The following ZNF385D variants were observed in gnomAD, a reference collection of about 807,000 sequenced individuals.
ZNF385D encodes the protein zinc finger protein 385D.
Under a neutral mutation model 35.8 loss-of-function variants are expected in ZNF385D, and 15 were observed. That is an observed-to-expected ratio of 0.42 (90% CI 0.28 to 0.64). The LOEUF (loss-of-function observed/expected upper bound fraction) is 0.64, where lower values mean the gene tolerates loss of function less well. Ranked by LOEUF, ZNF385D falls within the 30% of genes least tolerant of loss-of-function variation. The probability of loss-of-function intolerance (pLI) is 0.23; values close to 1 mark genes in which losing one functional copy is unlikely to be tolerated. For synonymous variants in ZNF385D, 212 were observed against 186.8 expected, an observed-to-expected ratio of 1.13 and a Z score of -1.10; for missense variants, 474 against 494.6, an observed-to-expected ratio of 0.96 and a Z score of 0.39.
chr3:21,582,602 GAGATAAAGGAA>G (rs1047232587), intron 2 of ZNF385D, among the ~76,000 whole-genome samples: 2 of 152,064 alleles, frequency 1.3e-5, no homozygotes, highest in African/African-American at 2.4e-5. Context: ...CTCAGTTGTG[GAGATAAAGGAA>G]GGATAAAGTC....
intron 4 of ZNF385D, among the ~76,000 whole-genome samples, chr3:21,504,742 A>G (rs559262575): frequency 5.1e-4 from 78 of 152,284 alleles, no homozygotes; most frequent in African/African-American, 1.8e-3. Flanking sequence ...ATGGAAAAAC[A>G]AGGTGTGCCT....
chr3:21,961,467 G>A (rs912842404), intron 3 of ZNF385D: 1 of 152,098 alleles, frequency 6.6e-6, no homozygotes, highest in African/African-American at 2.4e-5. Flanking sequence ...TTAGAAATAT[G>A]AAGTAACTAT....
intron 3 of ZNF385D, among the ~76,000 whole-genome samples, chr3:21,803,912 G>A (rs371201390): frequency 6.6e-6 from 1 of 152,150 alleles, no homozygotes; most frequent in Non-Finnish European, 1.5e-5. Flanking sequence ...TGTCTGTGGC[G>A]CTGTCACTTG....
At chr3:22,323,938 A>G (rs1428021407) in intron 2 of ZNF385D, among the ~76,000 whole-genome samples, 1 of 152,160 alleles carries the variant, frequency 6.6e-6, no homozygotes, top group African/African-American at 2.4e-5. Context: ...ACTAATATAT[A>G]CTATCCACAA....
intron 3 of ZNF385D, among the ~76,000 whole-genome samples, chr3:22,142,869 C>G (rs1704600443): frequency 6.6e-6 from 1 of 152,098 alleles, no homozygotes; most frequent in Non-Finnish European, 1.5e-5. Flanking sequence ...AAAAAGTTCT[C>G]TCCTCTTACC....
At chr3:21,842,170 T>G (rs180806544) in intron 3 of ZNF385D, among the ~76,000 whole-genome samples, 1 of 152,020 alleles carries the variant, frequency 6.6e-6, no homozygotes, top group Non-Finnish European at 1.5e-5. Flanking sequence ...TAATTCAATA[T>G]GTAATCTTTT....
At chr3:22,226,125 A>C (rs1184100946) in intron 2 of ZNF385D, among the ~76,000 whole-genome samples, 1 of 152,026 alleles carries the variant, frequency 6.6e-6, no homozygotes, top group East Asian at 1.9e-4. Context: ...ATGGAACTAA[A>C]CAAAAAAAAA....
At chr3:22,210,743 A>C (rs890804202) in intron 2 of ZNF385D, among the ~76,000 whole-genome samples, 5 of 151,782 alleles carry the variant, frequency 3.3e-5, no homozygotes, top group Admixed American at 3.3e-4. Context: ...TTCCCTCTAC[A>C]CCATTTACAC....
chr3:21,578,152 C>T (rs1478758423), intron 2 of ZNF385D, among the ~76,000 whole-genome samples: 1 of 152,070 alleles, frequency 6.6e-6, no homozygotes, highest in Non-Finnish European at 1.5e-5. Flanking sequence ...CTATTCAAGT[C>T]ATTTGCACAT....
chr3:22,336,908 T>TAAAAAAAAAAA (rs1559527421), intron 2 of ZNF385D, among the ~76,000 whole-genome samples: 5 of 1,064 alleles, frequency 4.7e-3, no homozygotes, highest in South Asian at 0.077. Flanking sequence ...CAGTGATTTT[T>TAAAAAAAAAAA]CAAAAAAAAA....
intron 2 of ZNF385D, among the ~76,000 whole-genome samples, chr3:22,315,508 A>G (rs2125436167): frequency 6.6e-6 from 1 of 152,344 alleles, no homozygotes; most frequent in African/African-American, 2.4e-5. Context: ...GGGAAGAGAT[A>G]AAGAAAACTG....
intron 3 of ZNF385D, among the ~76,000 whole-genome samples, chr3:22,137,146 G>A (rs536271659): frequency 1.7e-4 from 26 of 152,192 alleles, no homozygotes; most frequent in Non-Finnish European, 3.7e-4. Flanking sequence ...ATCTTTCTGT[G>A]TTTTTTACTA....
At chr3:22,108,599 T>G (rs1275462469) in intron 3 of ZNF385D, among the ~76,000 whole-genome samples, 1 of 152,180 alleles carries the variant, frequency 6.6e-6, no homozygotes, top group Non-Finnish European at 1.5e-5. Context: ...TGCCACTGAC[T>G]AAGAGAGGGG....
At chr3:22,301,496 T>C (rs982880701) in intron 2 of ZNF385D, among the ~76,000 whole-genome samples, 3 of 152,112 alleles carry the variant, frequency 2.0e-5, no homozygotes, top group African/African-American at 7.2e-5. Flanking sequence ...CATTCCCTAA[T>C]GTATATATAT....
At chr3:21,533,784 A>G (rs1044539499) in intron 3 of ZNF385D, among the ~76,000 whole-genome samples, 55 of 152,114 alleles carry the variant, frequency 3.6e-4, no homozygotes, top group Admixed American at 1.4e-3. Context: ...ATGGACATCC[A>G]TGTTCAAATC....
chr3:21,590,966 A>G (rs1297433187), intron 2 of ZNF385D, among the ~76,000 whole-genome samples: 2 of 152,096 alleles, frequency 1.3e-5, no homozygotes, highest in Non-Finnish European at 1.5e-5. Flanking sequence ...AGGCCAAGGC[A>G]GGAGGATCAC....
intron 3 of ZNF385D, among the ~76,000 whole-genome samples, chr3:21,779,765 A>C (rs1395154748): frequency 6.6e-6 from 1 of 151,972 alleles, no homozygotes; most frequent in African/African-American, 2.4e-5. Context: ...TAGAACTCCA[A>C]GTTCCCAGAT....
chr3:21,580,064 T>C (rs1430562587), intron 2 of ZNF385D: 1 of 152,186 alleles, frequency 6.6e-6, no homozygotes, highest in Non-Finnish European at 1.5e-5. Context: ...AAGAATCTAC[T>C]AATGACTGGG....
intron 2 of ZNF385D, 48 bp from the exon 3 acceptor site, chr3:21,564,732 G>T (rs1242881425): frequency 1.3e-5 from 16 of 1,244,436 alleles, no homozygotes; most frequent in South Asian, 1.6e-5. Context: ...AAGCTTGTCA[G>T]TTCCATTGGA....
Sources: allele counts gnomAD v4.1 joint callset (sites outside exome capture counted in the v4.1 genomes callset), GRCh38; gene constraint gnomAD v4.1.1; transcripts MANE v1.5; gene names NCBI Gene and HGNC (gene_info 2026-07-23, HGNC 2026-07-21).